Variants in RBFOX1 observed in about 807,000 individuals in gnomAD.
RBFOX1 encodes the protein RNA binding protein fox-1 homolog 1.
A neutral mutation model predicts 57.7 loss-of-function variants in RBFOX1; 8 were observed. The observed-to-expected ratio is 0.14, with a 90% CI of 0.08 to 0.25. RBFOX1 has a LOEUF of 0.25. Ranked by LOEUF, RBFOX1 falls within the 10% of genes least tolerant of loss-of-function variation. RBFOX1 has a pLI of 1.00. For synonymous variants in RBFOX1, 326 were observed against 222.4 expected (o/e 1.47, Z -4.15); for missense variants, 611 against 548.5 (o/e 1.11, Z -1.14).
chr16:7,394,706 C>T (rs1159556041), intron 4 of RBFOX1, among the ~76,000 whole-genome samples: 1 of 152,116 alleles, frequency 6.6e-6, no homozygotes, highest in Admixed American at 6.5e-5. Context: ...GTTTCATGTG[C>T]CCCGGTTGAG....
At chr16:5,608,156 G>T (rs1397479411) in intron 3 of RBFOX1, among the ~76,000 whole-genome samples, 1 of 152,206 alleles carries the variant, frequency 6.6e-6, no homozygotes, top group Admixed American at 6.5e-5. Flanking sequence ...CCACTTGGAA[G>T]CTCATTGTCT....
At chr16:6,132,954 G>A (rs1221524416) in intron 1 of RBFOX1, among the ~76,000 whole-genome samples, 1 of 141,514 alleles carries the variant, frequency 7.1e-6, no homozygotes, top group East Asian at 2.1e-4. Flanking sequence ...AACAGAACGA[G>A]ACTCTGTCTC....
chr16:7,292,038 A>G (rs1288858819), intron 4 of RBFOX1, among the ~76,000 whole-genome samples: 2 of 140,516 alleles, frequency 1.4e-5, no homozygotes, highest in Non-Finnish European at 3.0e-5. Flanking sequence ...TTATACAATT[A>G]TAGTATATAT....
chr16:5,541,504 C>T (rs968185669), intron 2 of RBFOX1, among the ~76,000 whole-genome samples: 2 of 152,060 alleles, frequency 1.3e-5, no homozygotes, highest in East Asian at 1.9e-4. Context: ...AGGGAGGGGG[C>T]TTCCAGGTCA....
At chr16:7,203,850 T>C (rs1238230115) in intron 4 of RBFOX1, among the ~76,000 whole-genome samples, 2 of 152,170 alleles carry the variant, frequency 1.3e-5, no homozygotes, top group African/African-American at 2.4e-5. Flanking sequence ...TAACCAGAAA[T>C]CTAAGTTTGT....
chr16:5,390,364 C>G (rs928953826), intron 1 of RBFOX1, among the ~76,000 whole-genome samples: 1 of 150,300 alleles, frequency 6.7e-6, no homozygotes, highest in African/African-American at 2.5e-5. Context: ...TTTCAGCTCA[C>G]TGCAACCTGT....
chr16:5,447,640 C>T (rs758065021), intron 1 of RBFOX1, among the ~76,000 whole-genome samples: 1 of 152,228 alleles, frequency 6.6e-6, no homozygotes, highest in Non-Finnish European at 1.5e-5. Flanking sequence ...TTGTGATCTG[C>T]CCGCCTCAGC....
chr16:7,115,961 C>G (rs1252875120), intron 4 of RBFOX1, among the ~76,000 whole-genome samples: 2 of 152,108 alleles, frequency 1.3e-5, no homozygotes, highest in African/African-American at 4.8e-5. Context: ...CAGCTGTGTA[C>G]CAAGGGTAAG....
intron 3 of RBFOX1, among the ~76,000 whole-genome samples, chr16:5,605,599 A>G (rs1247425924): frequency 1.3e-5 from 2 of 151,180 alleles, no homozygotes; most frequent in Non-Finnish European, 2.9e-5. Flanking sequence ...GCCACTGATG[A>G]GTAATGTCTG....
At chr16:6,249,615 T>G (rs2097591430) in intron 1 of RBFOX1, among the ~76,000 whole-genome samples, 1 of 152,012 alleles carries the variant, frequency 6.6e-6, no homozygotes, top group Non-Finnish European at 1.5e-5. Flanking sequence ...AGAGTAGTGA[T>G]CAGGCAGGGA....
chr16:6,326,922 T>C (rs1055498215), intron 2 of RBFOX1, among the ~76,000 whole-genome samples: 3 of 152,148 alleles, frequency 2.0e-5, no homozygotes, highest in Non-Finnish European at 4.4e-5. Flanking sequence ...AAAGCTGGGC[T>C]CTCTCACCTG....
At chr16:6,107,720 T>TGTGG (rs145408046) in intron 1 of RBFOX1, among the ~76,000 whole-genome samples, 56,193 of 79,144 alleles carry the variant, frequency 0.71, 18,106 homozygotes, top group African/African-American at 0.77. Context: ...TGGATGGATT[T>TGTGG]GTGGGTGGGT....
intron 2 of RBFOX1, among the ~76,000 whole-genome samples, chr16:5,546,799 A>G (rs1375150931): frequency 6.6e-6 from 1 of 152,216 alleles, no homozygotes; most frequent in African/African-American, 2.4e-5. Flanking sequence ...CTCTACTTTG[A>G]AAAACAGTTA....
intron 3 of RBFOX1, among the ~76,000 whole-genome samples, chr16:5,861,518 C>T (rs141850665): frequency 6.6e-6 from 1 of 152,202 alleles, no homozygotes; most frequent in Non-Finnish European, 1.5e-5. Context: ...AATTTGCTCT[C>T]CCACCTGGGA....
intron 4 of RBFOX1, among the ~76,000 whole-genome samples, chr16:7,222,981 C>T (rs1332742867): frequency 6.6e-6 from 1 of 152,140 alleles, no homozygotes; most frequent in Non-Finnish European, 1.5e-5. Context: ...GCATAAACAT[C>T]TGGGCTGCAT....
At chr16:6,299,727 G>A (rs906159831) in intron 1 of RBFOX1, among the ~76,000 whole-genome samples, 1 of 152,134 alleles carries the variant, frequency 6.6e-6, no homozygotes, top group African/African-American at 2.4e-5. Context: ...GTGGCCAAAA[G>A]CGTGGACTCT....
chr16:7,417,152 C>T (rs1434749842), intron 4 of RBFOX1, among the ~76,000 whole-genome samples: 1 of 151,994 alleles, frequency 6.6e-6, no homozygotes, highest in African/African-American at 2.4e-5. Context: ...GGTGGATCAT[C>T]TGAGGTCAGG....
chr16:5,530,680 C>T (rs938418779), intron 2 of RBFOX1, among the ~76,000 whole-genome samples: 1 of 152,152 alleles, frequency 6.6e-6, no homozygotes, highest in African/African-American at 2.4e-5. Flanking sequence ...CCACCTCTTC[C>T]CAACCCATTC....
intron 1 of RBFOX1, among the ~76,000 whole-genome samples, chr16:6,214,227 C>A (rs967755932): frequency 7.9e-5 from 12 of 152,130 alleles, no homozygotes; most frequent in African/African-American, 2.7e-4. Context: ...ACCCACCAGC[C>A]CTACATTGAT....
Sources: allele counts gnomAD v4.1 joint callset (sites outside exome capture counted in the v4.1 genomes callset), GRCh38; gene constraint gnomAD v4.1.1; transcripts MANE v1.5; gene names NCBI Gene and HGNC (gene_info 2026-07-23, HGNC 2026-07-21).